Variants in PCDH15 observed in about 807,000 individuals in gnomAD.
The protein encoded by PCDH15 is protocadherin related 15, also known as protocadherin-15.
Under a neutral mutation model 178.5 loss-of-function variants are expected in PCDH15, and 129 were observed. That is an observed-to-expected ratio of 0.72 (90% CI 0.63 to 0.84). The LOEUF (loss-of-function observed/expected upper bound fraction) is 0.84. Among genes scored for constraint, PCDH15 ranks in the 40% least tolerant of loss-of-function variants. The probability of loss-of-function intolerance (pLI) is 0.00; values close to 1 mark genes in which losing one functional copy is unlikely to be tolerated. For synonymous variants in PCDH15, 800 were observed against 732.0 expected, an observed-to-expected ratio of 1.09 and a Z score of -1.50; for missense variants, 2,230 against 2,099.9, an observed-to-expected ratio of 1.06 and a Z score of -1.21.
intron 32 of PCDH15, chr10:53,821,209 GCATACTACTA>G: frequency 1.0e-6 from 1 of 964,498 alleles, no homozygotes; most frequent in Non-Finnish European, 1.2e-6. Flanking sequence ...AAATCCATAA[GCATACTACTA>G]AATCCATAAG....
chr10:55,166,494 T>C (rs1266982541), intron 2 of PCDH15: 1 of 152,164 alleles, frequency 6.6e-6, no homozygotes, highest in Non-Finnish European at 1.5e-5. Context: ...TTCTTGAACT[T>C]ACTGTGAAAT....
At chr10:55,076,406 T>C (rs1841887375) in intron 2 of PCDH15, among the ~76,000 whole-genome samples, 1 of 151,906 alleles carries the variant, frequency 6.6e-6, no homozygotes, top group South Asian at 2.1e-4. Flanking sequence ...TACATATATA[T>C]TTAGAATTAT....
At chr10:54,073,939 T>A (rs2094293715) in intron 17 of PCDH15, among the ~76,000 whole-genome samples, 3 of 152,336 alleles carry the variant, frequency 2.0e-5, no homozygotes, top group Admixed American at 2.0e-4. Flanking sequence ...GATAAGAATA[T>A]CTAAAAGGAA....
chr10:54,296,006 G>A (rs1237185072), intron 8 of PCDH15, among the ~76,000 whole-genome samples: 15 of 150,280 alleles, frequency 1.0e-4, no homozygotes, highest in Non-Finnish European at 1.9e-4. Context: ...TTAGCCGGGC[G>A]TAGTGGCGGG....
chr10:54,189,659 T>TTATAAATAAGTATCTTTTTACAAGC (rs1354963671), intron 11 of PCDH15, among the ~76,000 whole-genome samples: 5 of 152,124 alleles, frequency 3.3e-5, no homozygotes, highest in African/African-American at 1.2e-4. Flanking sequence ...TTACATGAAG[T>TTATAAATAAGTATCTTTTTACAAGC]TATAAATAAG....
chr10:53,857,341 C>A (rs1423469668), intron 27 of PCDH15, 78 bp from the exon 28 acceptor site: 1 of 1,021,642 alleles, frequency 9.8e-7, no homozygotes, highest in East Asian at 2.4e-5. Flanking sequence ...CACATTACCT[C>A]TTCCCTACTA....
At chr10:54,240,431 C>T (rs1439545199) in intron 8 of PCDH15, among the ~76,000 whole-genome samples, 2 of 151,736 alleles carry the variant, frequency 1.3e-5, no homozygotes, top group Non-Finnish European at 1.5e-5. Flanking sequence ...ATATTACTGT[C>T]CTTGAATTTA....
intron 2 of PCDH15, among the ~76,000 whole-genome samples, chr10:54,618,274 T>A (rs2093245013): frequency 6.6e-6 from 1 of 152,146 alleles, no homozygotes; most frequent in African/African-American, 2.4e-5. Flanking sequence ...ATATCTTTCC[T>A]AAAGTGATAC....
At chr10:55,571,952 T>G (rs1842413784) in intron 2 of PCDH15, among the ~76,000 whole-genome samples, 2 of 152,138 alleles carry the variant, frequency 1.3e-5, no homozygotes, top group Admixed American at 6.6e-5. Context: ...ATTTTTTATA[T>G]GCCACGTGTC....
intron 2 of PCDH15, among the ~76,000 whole-genome samples, chr10:54,625,251 G>C (rs891099860): frequency 5.9e-5 from 9 of 152,114 alleles, no homozygotes; most frequent in African/African-American, 2.2e-4. Flanking sequence ...TTCAAAAGGA[G>C]GTCTCCCAGG....
At chr10:55,196,656 TAA>T (rs1840101276) in intron 1 of PCDH15, among the ~76,000 whole-genome samples, 1 of 152,072 alleles carries the variant, frequency 6.6e-6, no homozygotes, top group South Asian at 2.1e-4. Flanking sequence ...TTAAAAGTAT[TAA>T]AGTAAAAGTA....
chr10:54,120,367 A>C (rs886217706), intron 15 of PCDH15, among the ~76,000 whole-genome samples: 3 of 152,192 alleles, frequency 2.0e-5, no homozygotes, highest in African/African-American at 7.2e-5. Flanking sequence ...GAAACTACAA[A>C]GTTACCAGCT....
chr10:55,466,570 C>A lies in PCDH15; in HGVS notation c.-156+161055G>T, dbSNP rs138022330. On this transcript the variant is annotated intron_variant, in intron 2 of 5. Coordinates refer to the PCDH15 transcript ENST00000613346. Reference sequence around the variant, plus strand: ...GTGTAAAATTTGTAAGGGAATTGCTCAAGTTATACAGCTAATCCCTGGTCA... The same window carrying A: ...GTGTAAAATTTGTAAGGGAATTGCTAAAGTTATACAGCTAATCCCTGGTCA... Among the ~76,000 whole-genome samples, 603 of 152,166 alleles carry A rather than the reference C, an allele frequency of 4.0e-3. 3 individuals carry two copies. Among genetic ancestry groups the A allele is most frequent in the African/African-American group, 0.014 (572 of 41,532 alleles).
intron 2 of PCDH15, among the ~76,000 whole-genome samples, chr10:55,072,721 A>G (rs1232497141): frequency 3.9e-5 from 6 of 152,112 alleles, no homozygotes; most frequent in Middle Eastern, 3.4e-3. Flanking sequence ...CAATAGAAAA[A>G]GAGGGAATCC....
At chr10:54,877,562 T>C (rs1199053285) in intron 3 of PCDH15, among the ~76,000 whole-genome samples, 1 of 152,156 alleles carries the variant, frequency 6.6e-6, no homozygotes, top group African/African-American at 2.4e-5. Flanking sequence ...TCTTGCACTA[T>C]TAAAGAGTGA....
chr10:54,579,562 C>T (rs1565652427), intron 2 of PCDH15, among the ~76,000 whole-genome samples: 1 of 151,982 alleles, frequency 6.6e-6, no homozygotes, highest in South Asian at 2.1e-4. Flanking sequence ...TCAATGACAG[C>T]ATTAGAGAGA....
rs1057516342 is a variant in PCDH15, at chr10:53,995,732, G to C, written c.2785C>G (p.Arg929Gly). 1 of 1,613,700 alleles carries C rather than the reference G, an allele frequency of 6.2e-7. No homozygotes were observed. The highest frequency in any genetic ancestry group is 8.5e-7 in the Non-Finnish European group (1 of 1,179,756). ...MNDYPPVFSK[R>G]IYKGMVAPDA... The stretch of plus-strand genomic sequence containing the variant: ...GGAGCCACCATCCCTTTGTATATTC[G>C]TTTACTAAAGACAGGAGGATAATCA... Residue 929 changes from arginine (R) to glycine (G), a missense_variant, in exon 21 of 38, where the codon CGA (arginine) becomes GGA (glycine). Physicochemically the swap from Arg to Gly is moderately radical, Grantham distance 125. Coordinates refer to ENST00000644397, the MANE Select transcript of PCDH15 (RefSeq NM_001384140.1).
At chr10:55,012,397 C>T (rs180748353) in intron 2 of PCDH15, among the ~76,000 whole-genome samples, 1 of 151,934 alleles carries the variant, frequency 6.6e-6, no homozygotes, top group African/African-American at 2.4e-5. Context: ...TCTGTTTTGC[C>T]AGGTTTTATT....
intron 2 of PCDH15, among the ~76,000 whole-genome samples, chr10:54,899,578 C>T (rs1229324853): frequency 6.7e-6 from 1 of 149,930 alleles, no homozygotes; most frequent in African/African-American, 2.4e-5. Flanking sequence ...CTCACTGTAA[C>T]CCCCGCCTCC....
Sources: allele counts gnomAD v4.1 joint callset (sites outside exome capture counted in the v4.1 genomes callset), GRCh38; gene constraint gnomAD v4.1.1; transcripts MANE v1.5; gene names NCBI Gene and HGNC (gene_info 2026-07-23, HGNC 2026-07-21).